The following SLC2A9 variants were observed in gnomAD, a reference collection of about 807,000 sequenced individuals.
SLC2A9 encodes the protein solute carrier family 2, facilitated glucose transporter member 9.
A neutral mutation model predicts 50.6 loss-of-function variants in SLC2A9; 39 were observed. That is an observed-to-expected ratio of 0.77 (90% confidence interval 0.60 to 1.01). The LOEUF (loss-of-function observed/expected upper bound fraction) is 1.01, where lower values mean the gene tolerates loss of function less well. Among genes scored for constraint, SLC2A9 ranks in the 50% least tolerant of loss-of-function variants. SLC2A9 has a pLI of 0.00. For missense variants in SLC2A9, 686 were observed against 677.6 expected (o/e 1.01, Z -0.14); for synonymous variants, 324 against 276.9 (o/e 1.17, Z -1.69).
intron 1 of SLC2A9, among the ~76,000 whole-genome samples, chr4:9,772,470 C>T (rs1217957682): frequency 6.6e-6 from 1 of 152,202 alleles, no homozygotes; most frequent in African/African-American, 2.4e-5. Flanking sequence ...TAGTGCACAC[C>T]TGGTCTGACC....
intron 5 of SLC2A9, among the ~76,000 whole-genome samples, chr4:9,969,306 A>C (rs1009321303): frequency 7.9e-5 from 12 of 152,190 alleles, no homozygotes; most frequent in Admixed American, 5.2e-4. Context: ...TGGTTATTAT[A>C]TTGTAGGCCA....
intron 3 of SLC2A9, among the ~76,000 whole-genome samples, chr4:9,793,493 A>G (rs1322538085): frequency 6.6e-6 from 1 of 152,230 alleles, no homozygotes; most frequent in Non-Finnish European, 1.5e-5. Context: ...GAAGTTGATG[A>G]CATTTATGCT....
intron 10 of SLC2A9, among the ~76,000 whole-genome samples, chr4:9,855,303 C>A (rs1560197021): frequency 6.6e-6 from 1 of 152,284 alleles, no homozygotes; most frequent in East Asian, 1.9e-4. Context: ...AGTAGCATTT[C>A]TGTACACCAA....
chr4:10,026,979 G>T (rs945597400), intron 1 of SLC2A9, among the ~76,000 whole-genome samples: 3 of 152,090 alleles, frequency 2.0e-5, no homozygotes, highest in South Asian at 2.1e-4. Flanking sequence ...AGGAGGCAGA[G>T]GTTGCAGTGG....
At chr4:9,857,339 T>C (rs538472063) in intron 10 of SLC2A9, among the ~76,000 whole-genome samples, 4 of 152,232 alleles carry the variant, frequency 2.6e-5, no homozygotes, top group African/African-American at 7.2e-5. Context: ...GGGCGCAGGG[T>C]TGGATACTGA....
At chr4:9,875,623 T>C (rs1358159410) in intron 10 of SLC2A9, among the ~76,000 whole-genome samples, 2 of 152,230 alleles carry the variant, frequency 1.3e-5, no homozygotes, top group Non-Finnish European at 2.9e-5. Flanking sequence ...ACTCTGGCTC[T>C]GGAGTCAAAC....
chr4:9,858,930 G>T lies in SLC2A9; in HGVS notation c.1292-23922C>A, dbSNP rs147579671. On this transcript the variant is annotated intron_variant, in intron 10 of 11. Transcript: ENST00000264784. Reference sequence around the variant, plus strand: ...AAGCACTGACTTGCTGAGTCTTCCAGCCTTCATCTTTCTCCTGGGCTGGAT... The same window carrying T: ...AAGCACTGACTTGCTGAGTCTTCCATCCTTCATCTTTCTCCTGGGCTGGAT... 3.0e-3 allele frequency among the ~76,000 whole-genome samples: 464 copies of T among 152,306 alleles called. 7 individuals carry two copies. Among genetic ancestry groups the T allele is most frequent in the African/African-American group, 0.011 (452 of 41,558 alleles).
chr4:9,862,585 C>A (rs955751303), intron 10 of SLC2A9, among the ~76,000 whole-genome samples: 3 of 151,994 alleles, frequency 2.0e-5, no homozygotes, highest in Non-Finnish European at 4.4e-5. Context: ...AACAACACTG[C>A]AGCCTTTCCT....
downstream of SLC2A9, among the ~76,000 whole-genome samples, chr4:9,797,496 C>G (rs2108908058): frequency 6.6e-6 from 1 of 152,338 alleles, no homozygotes; most frequent in Non-Finnish European, 1.5e-5. Flanking sequence ...GAGCCCAAGT[C>G]TGCATATGTA....
At chr4:10,017,610 T>G (rs958805648) in intron 2 of SLC2A9, among the ~76,000 whole-genome samples, 10 of 152,234 alleles carry the variant, frequency 6.6e-5, no homozygotes, top group African/African-American at 2.4e-4. Flanking sequence ...CCAGGGCTCA[T>G]GGGAACCTTT....
intron 3 of SLC2A9, among the ~76,000 whole-genome samples, chr4:9,806,643 G>A (rs1289346543): frequency 6.6e-6 from 1 of 152,178 alleles, no homozygotes; most frequent in Non-Finnish European, 1.5e-5. Flanking sequence ...TGGAGAAGGA[G>A]CCCTCCCCTT....
intron 10 of SLC2A9, among the ~76,000 whole-genome samples, chr4:9,865,900 T>C (rs1732383915): frequency 6.6e-6 from 1 of 152,200 alleles, no homozygotes; most frequent in Non-Finnish European, 1.5e-5. Flanking sequence ...CCGGGGCCCA[T>C]GATTTGCCAT....
chr4:9,819,943 A>T (rs2109038090), intron 3 of SLC2A9, among the ~76,000 whole-genome samples: 1 of 152,372 alleles, frequency 6.6e-6, no homozygotes, highest in Non-Finnish European at 1.5e-5. Flanking sequence ...CAAAACAACA[A>T]CAACAACAAA....
At chr4:9,808,083 G>A (rs1319481613) in intron 3 of SLC2A9, among the ~76,000 whole-genome samples, 1 of 152,184 alleles carries the variant, frequency 6.6e-6, no homozygotes, top group Non-Finnish European at 1.5e-5. Context: ...CTGGGTGGCT[G>A]GCTCCACAGC....
At chr4:9,824,698 A>G (rs1724870929), downstream of SLC2A9, among the ~76,000 whole-genome samples, 1 of 152,198 alleles carries the variant, frequency 6.6e-6, no homozygotes, top group Non-Finnish European at 1.5e-5. Flanking sequence ...ATACATCTTT[A>G]GTATGTAGCT....
intron 3 of SLC2A9, among the ~76,000 whole-genome samples, chr4:9,815,304 G>A (rs1723425757): frequency 1.3e-5 from 2 of 152,230 alleles, no homozygotes; most frequent in Admixed American, 6.5e-5. Flanking sequence ...CTTGTCAAGT[G>A]TCTAAAGAAT....
At chr4:9,996,528 CCATGTGGGTGCTGT>C (rs1471566358) in intron 3 of SLC2A9, among the ~76,000 whole-genome samples, 1 of 152,210 alleles carries the variant, frequency 6.6e-6, no homozygotes, top group Non-Finnish European at 1.5e-5. Context: ...TGCTCCTCCC[CCATGTGGGTGCTGT>C]GGCTCTGACA....
At chr4:9,797,795 T>C (rs1182592643), downstream of SLC2A9, among the ~76,000 whole-genome samples, 1 of 151,752 alleles carries the variant, frequency 6.6e-6, no homozygotes. Context: ...GATCCTACAA[T>C]TTTTTTATTT....
intron 8 of SLC2A9, among the ~76,000 whole-genome samples, chr4:9,907,269 A>T (rs1439571223): frequency 1.3e-5 from 2 of 152,260 alleles, no homozygotes; most frequent in African/African-American, 4.8e-5. Flanking sequence ...TTTCATAAAG[A>T]GGACAACTGA....
Sources: gnomAD v4.1 joint callset for allele counts (sites outside exome capture counted in the v4.1 genomes callset) on GRCh38, gnomAD v4.1.1 for gene constraint, MANE v1.5 for transcripts, NCBI Gene and HGNC (gene_info 2026-07-23, HGNC 2026-07-21) for gene names.